Variants in MIPOL1 observed in about 807,000 individuals in gnomAD.
MIPOL1 encodes mirror-image polydactyly gene 1 protein.
A neutral mutation model predicts 60.9 loss-of-function variants in MIPOL1; 57 were observed. The ratio of observed to expected loss-of-function variants is 0.94; its 90% CI spans 0.76 to 1.17. The LOEUF is 1.17. Among genes scored for constraint, MIPOL1 ranks in the 50% most tolerant of loss-of-function variants. The pLI, the probability that MIPOL1 is intolerant of heterozygous loss-of-function variation, is 0.00. For missense variants in MIPOL1, 551 were observed against 511.6 expected, an observed-to-expected ratio of 1.08 and a Z score of -0.74; for synonymous variants, 179 against 168.8, an observed-to-expected ratio of 1.06 and a Z score of -0.47.
At chr14:37,313,024 T>C (rs190447527) in intron 9 of MIPOL1, among the ~76,000 whole-genome samples, 3 of 152,208 alleles carry the variant, frequency 2.0e-5, no homozygotes, top group African/African-American at 7.2e-5. Context: ...TCTAGTTAAA[T>C]TGTTCACCAA....
At chr14:37,522,342 T>C (rs1323392575) in intron 12 of MIPOL1, among the ~76,000 whole-genome samples, 4 of 152,186 alleles carry the variant, frequency 2.6e-5, no homozygotes, top group Non-Finnish European at 5.9e-5. Context: ...TAGTTTACCA[T>C]ATAACATAAA....
chr14:37,209,880 T>C (rs1464337344), intron 1 of MIPOL1, among the ~76,000 whole-genome samples: 1 of 151,650 alleles, frequency 6.6e-6, no homozygotes, highest in African/African-American at 2.4e-5. Flanking sequence ...TTTTAACTTT[T>C]TTTTTTTTTT....
chr14:37,334,249 C>T (rs2089947334), intron 9 of MIPOL1, among the ~76,000 whole-genome samples: 1 of 151,926 alleles, frequency 6.6e-6, no homozygotes, highest in Non-Finnish European at 1.5e-5. Flanking sequence ...AGAATTTATT[C>T]ATCTGGGTTA....
At chr14:37,512,248 A>C (rs547829794) in intron 12 of MIPOL1, among the ~76,000 whole-genome samples, 41 of 150,608 alleles carry the variant, frequency 2.7e-4, no homozygotes, top group Admixed American at 6.0e-4. Context: ...TGGTGTTACA[A>C]AGAAATTGTG....
chr14:37,304,199 G>C (rs540976112), intron 7 of MIPOL1, among the ~76,000 whole-genome samples: 1 of 151,768 alleles, frequency 6.6e-6, no homozygotes, highest in East Asian at 1.9e-4. Flanking sequence ...ATAATCTTCA[G>C]ATCCTTTGTT....
intron 10 of MIPOL1, among the ~76,000 whole-genome samples, chr14:37,417,780 C>T (rs927066778): frequency 6.6e-6 from 1 of 152,100 alleles, no homozygotes; most frequent in Non-Finnish European, 1.5e-5. Flanking sequence ...TATGGTTACT[C>T]TGGAAATAAC....
At chr14:37,343,139 CACAT>C (rs1453599955) in intron 9 of MIPOL1, among the ~76,000 whole-genome samples, 1 of 151,542 alleles carries the variant, frequency 6.6e-6, no homozygotes, top group African/African-American at 2.4e-5. Context: ...TAAATATACA[CACAT>C]ACATATCAGC....
At chr14:37,544,362 T>C (rs2095540186) in intron 12 of MIPOL1, among the ~76,000 whole-genome samples, 1 of 152,172 alleles carries the variant, frequency 6.6e-6, no homozygotes, top group South Asian at 2.1e-4. Flanking sequence ...CTCACAACCT[T>C]GTATAAGGGT....
intron 11 of MIPOL1, among the ~76,000 whole-genome samples, chr14:37,470,105 A>G (rs1258189149): frequency 2.0e-5 from 3 of 152,210 alleles, no homozygotes; most frequent in Non-Finnish European, 4.4e-5. Context: ...GAAAGGAGGA[A>G]GAAGAGAAAG....
chr14:37,486,012 G>C lies in MIPOL1; in HGVS notation c.1032-13896G>C, dbSNP rs2094940395. Among the ~76,000 whole-genome samples, 3 of 152,264 alleles carry C rather than the reference G, an allele frequency of 2.0e-5. No homozygotes were observed. The South Asian group carries it at 6.2e-4, about 32-fold the overall frequency. Reference sequence around the variant, plus strand: ...TCATCTTAAGTGAATTTTTGTATAAGATGTAAGGAAGGGATCCAGTTTTAG... The same window carrying C: ...TCATCTTAAGTGAATTTTTGTATAACATGTAAGGAAGGGATCCAGTTTTAG... On this transcript the variant is annotated intron_variant, in intron 11 of 12. Coordinates refer to ENST00000684589, the MANE Select transcript of MIPOL1 (RefSeq NM_001388067.1).
chr14:37,216,942 A>C (rs951753765), intron 1 of MIPOL1, among the ~76,000 whole-genome samples: 1 of 152,204 alleles, frequency 6.6e-6, no homozygotes, highest in Non-Finnish European at 1.5e-5. Flanking sequence ...GAATAGAAAT[A>C]AATGAAATTT....
At chr14:37,535,398 G>A (rs948993064) in intron 12 of MIPOL1, among the ~76,000 whole-genome samples, 3 of 152,088 alleles carry the variant, frequency 2.0e-5, no homozygotes, top group Non-Finnish European at 4.4e-5. Flanking sequence ...GAATTTCAAG[G>A]TGTGAAGTAA....
chr14:37,298,005 C>G (rs1223698722), intron 7 of MIPOL1, among the ~76,000 whole-genome samples: 1 of 152,110 alleles, frequency 6.6e-6, no homozygotes, highest in Non-Finnish European at 1.5e-5. Context: ...CAATCCTAAG[C>G]CAAAAGAACA....
At chr14:37,337,079 C>CT (rs1368829157) in intron 9 of MIPOL1, among the ~76,000 whole-genome samples, 1 of 151,396 alleles carries the variant, frequency 6.6e-6, no homozygotes, top group Non-Finnish European at 1.5e-5. Flanking sequence ...ACTAATGGGT[C>CT]TTTTTTTTCC....
chr14:37,201,194 C>T (rs1332686224), intron 1 of MIPOL1, among the ~76,000 whole-genome samples: 1 of 152,018 alleles, frequency 6.6e-6, no homozygotes, highest in Non-Finnish European at 1.5e-5. Flanking sequence ...CACAAGCCAC[C>T]ACACCTGGCC....
chr14:37,282,616 CT>C (rs1269834303), intron 6 of MIPOL1, among the ~76,000 whole-genome samples: 3 of 151,860 alleles, frequency 2.0e-5, no homozygotes, highest in Non-Finnish European at 4.4e-5. Flanking sequence ...GGGAGAATCA[CT>C]TGAGCCCAGA....
chr14:37,459,251 A>G (rs1337194298), intron 11 of MIPOL1, among the ~76,000 whole-genome samples: 1 of 152,150 alleles, frequency 6.6e-6, no homozygotes, highest in Non-Finnish European at 1.5e-5. Flanking sequence ...GAAAAGAAAA[A>G]CAAAATTGAT....
At chr14:37,251,437 G>A (rs569249736) in intron 3 of MIPOL1, among the ~76,000 whole-genome samples, 1 of 152,002 alleles carries the variant, frequency 6.6e-6, no homozygotes, top group African/African-American at 2.4e-5. Context: ...TAAAAACAAT[G>A]TGTGTGTGAA....
intron 9 of MIPOL1, among the ~76,000 whole-genome samples, chr14:37,323,747 C>A (rs926159250): frequency 2.9e-4 from 44 of 151,978 alleles, no homozygotes; most frequent in African/African-American, 1.0e-3. Flanking sequence ...AAAGTTCCCT[C>A]ATTTATATTT....
Sources: gnomAD v4.1 joint callset for allele counts (sites outside exome capture counted in the v4.1 genomes callset) on GRCh38, gnomAD v4.1.1 for gene constraint, MANE v1.5 for transcripts, NCBI Gene and HGNC (gene_info 2026-07-23, HGNC 2026-07-21) for gene names.